Variants in VSTM2A observed in about 807,000 individuals in gnomAD.
VSTM2A encodes the protein V-set and transmembrane domain-containing protein 2A.
VSTM2A carries 13 observed loss-of-function variants against 27.3 expected under a neutral mutation model. The observed-to-expected ratio is 0.48, with a 90% confidence interval of 0.31 to 0.76. VSTM2A has a LOEUF of 0.76. Among genes scored for constraint, VSTM2A ranks in the 30% least tolerant of loss-of-function variants. VSTM2A has a pLI of 0.05. For missense variants in VSTM2A, 280 were observed against 310.0 expected (o/e 0.90, Z 0.73); for synonymous variants, 142 against 125.7 (o/e 1.13, Z -0.87).
intron 4 of VSTM2A, among the ~76,000 whole-genome samples, chr7:54,562,422 C>G (rs1425283574): frequency 6.6e-6 from 1 of 151,788 alleles, no homozygotes; most frequent in Non-Finnish European, 1.5e-5. Context: ...AGAGATTTTT[C>G]TCTGACAGTA....
At chr7:54,562,648 G>C (rs1299106836) in intron 4 of VSTM2A, among the ~76,000 whole-genome samples, 1 of 152,168 alleles carries the variant, frequency 6.6e-6, no homozygotes, top group African/African-American at 2.4e-5. Flanking sequence ...AGGGCAAGCT[G>C]TCCTGACTGA....
intron 4 of VSTM2A, chr7:54,551,140 TACACACACAC>T (rs3032802): frequency 2.0e-5 from 3 of 149,414 alleles, no homozygotes; most frequent in Non-Finnish European, 4.5e-5. Flanking sequence ...TCGTCCTGAA[TACACACACAC>T]ACACACACAC....
At chr7:54,550,852 T>C (rs1788166673) in intron 4 of VSTM2A, 1 of 152,558 alleles carries the variant, frequency 6.6e-6, no homozygotes, top group Admixed American at 6.5e-5. Flanking sequence ...CCAATGGAAA[T>C]GCGTGGAAGT....
chr7:54,549,765 C>G (rs1788119563), intron 3 of VSTM2A, 69 bp from the exon 4 acceptor site: 1 of 1,404,024 alleles, frequency 7.1e-7, no homozygotes, highest in Non-Finnish European at 9.6e-7. Context: ...TTAGCAAGCT[C>G]AGGGTAAAAA....
At chr7:54,553,747 G>A in intron 4 of VSTM2A, 5 of 1,364,574 alleles carry the variant, frequency 3.7e-6, no homozygotes, top group Non-Finnish European at 5.0e-6. Context: ...ATCTTGACCA[G>A]GATGGAGTGG....
chr7:54,546,709 A>C, intron 2 of VSTM2A: 1 of 486,260 alleles, frequency 2.1e-6, no homozygotes, highest in Non-Finnish European at 3.6e-6. Context: ...GCCCCGGGAC[A>C]GCCCCGGGGA....
At chr7:54,553,729 G>A (rs1788259346) in intron 4 of VSTM2A, 2 of 1,201,028 alleles carry the variant, frequency 1.7e-6, no homozygotes, top group Non-Finnish European at 1.1e-6. Flanking sequence ...GACTGTGGAA[G>A]TCCCAGGATC....
Position 54,542,819 on chromosome 7 carries a change from G to T in VSTM2A, c.79+10G>T. 1 of 1,611,998 alleles carries T rather than the reference G, an allele frequency of 6.2e-7. No homozygotes were observed. On this transcript the variant is annotated intron_variant, in intron 1 of 4. Coordinates refer to ENST00000402613, the MANE Select transcript of VSTM2A (RefSeq NM_001301009.2). ...GGGCTTTCTTCTCAAGGTAAGTCTTGCTCAATGGCAAATATACATTTGCTT... is the reference window on the plus strand; with the variant it reads ...GGGCTTTCTTCTCAAGGTAAGTCTTTCTCAATGGCAAATATACATTTGCTT...
At chr7:54,546,834 T>TGTCCCCTGGTCGCTCCCCA in intron 2 of VSTM2A, 113 bp from the exon 3 acceptor site, 3 of 1,441,012 alleles carry the variant, frequency 2.1e-6, no homozygotes, top group Non-Finnish European at 2.8e-6. Context: ...GTCGCTCCCC[T>TGTCCCCTGGTCGCTCCCCA]GTCCCCAGGT....
At chr7:54,542,837 A>G (rs748009406) in intron 1 of VSTM2A, 28 bp downstream of exon 1, 4 of 1,600,078 alleles carry the variant, frequency 2.5e-6, no homozygotes, top group Middle Eastern at 3.3e-4. Context: ...GCAAATATAC[A>G]TTTGCTTGCG....
In VSTM2A at chr7:54,544,607, C is replaced by T; in HGVS notation, c.80-15C>T. 1 of 1,612,810 alleles carries T rather than the reference C, an allele frequency of 6.2e-7. No individual in the cohort carries two copies. The highest frequency in any genetic ancestry group is 8.5e-7 in the Non-Finnish European group (1 of 1,179,848). ...GGGTGTGGATATTCCAACAGGATGC[C>T]TTTCTGTTTTGCAGCAAAATTTACC... On this transcript the variant is annotated splice_polypyrimidine_tract_variant and intron_variant, in intron 1 of 4. Transcript: ENST00000402613.
chr7:54,568,181 G>A lies in VSTM2A; in HGVS notation c.635-950G>A, dbSNP rs998239475. On this transcript the variant is annotated intron_variant, in intron 4 of 4. Transcript: ENST00000402613. ...CCCAAATATTTATTCTACATATAGTGACTTTTAGAGAACAAGGGGTTCTAC... is the reference window on the plus strand; with the variant it reads ...CCCAAATATTTATTCTACATATAGTAACTTTTAGAGAACAAGGGGTTCTAC... Among the ~76,000 whole-genome samples the A allele has an allele frequency of 3.3e-5, 5 of 152,278 alleles. No individual in the cohort carries two copies. In the East Asian group the frequency reaches 9.6e-4, roughly 29 times the overall value.
In VSTM2A at chr7:54,550,601, A is replaced by G. The variant is rs1788159009; in HGVS notation, c.634+431A>G. 2.4e-5 allele frequency: 5 copies of G among 210,120 alleles called. No individual in the cohort carries two copies. In the South Asian group the frequency reaches 5.7e-4, roughly 24 times the overall value. 13.0% of individuals were successfully genotyped at this position (210,120 alleles called of 1,614,324 possible). On this transcript the variant is annotated intron_variant, in intron 4 of 4. Transcript: ENST00000402613. ...CCATATCATGCATTTTCAGCGACCCATAGCTCTAAGCAGGACTATTCTCCA... is the reference window on the plus strand; with the variant it reads ...CCATATCATGCATTTTCAGCGACCCGTAGCTCTAAGCAGGACTATTCTCCA...
At chr7:54,546,913 G>T in intron 2 of VSTM2A, 34 bp from the exon 3 acceptor site, 1 of 1,596,934 alleles carries the variant, frequency 6.3e-7, no homozygotes. Flanking sequence ...GGGCGGGCCT[G>T]GCGCGGGACT....
Position 54,546,969 on chromosome 7 carries a change from A to C in VSTM2A, c.269A>C (p.Asp90Ala), listed in dbSNP as rs1295591124. The C allele has an allele frequency of 6.3e-7, 1 of 1,595,264 alleles. No homozygotes were observed. Among genetic ancestry groups the C allele is most frequent in the Non-Finnish European group, 8.5e-7 (1 of 1,173,122 alleles). ...CAGGTGGAGCTCTTGCCCGACAGAG[A>C]CCCGGACAGCGACGGGACCAAGATC... ...GAQVELLPDR[D>A]PDSDGTKIST... The change falls in exon 3 of 5, where the codon GAC becomes GCC. Residue 90 changes from aspartate to alanine, a missense_variant. Coordinates refer to ENST00000402613, the MANE Select transcript of VSTM2A (RefSeq NM_001301009.2).
In VSTM2A at chr7:54,569,324, G is replaced by A. The variant is rs892394903; in HGVS notation, c.*105G>A. 3.7e-5 allele frequency: 55 copies of A among 1,503,142 alleles called. No homozygotes were observed. The Middle Eastern group carries it at 3.0e-3, about 82-fold the overall frequency. The allele number at this position is 1,503,142 out of a possible 1,614,324, so 93.1% of individuals were successfully genotyped here. A position where few individuals can be genotyped will look rare whatever the true frequency, so the allele number is the denominator to read the frequency against. Reference sequence around the variant, plus strand: ...GCAAAACACTGATCTTTTATTTTAAGAGAATTAACGTGAAGTGATAGAACG... The same window carrying A: ...GCAAAACACTGATCTTTTATTTTAAAAGAATTAACGTGAAGTGATAGAACG... On this transcript the variant is annotated 3_prime_UTR_variant, in exon 5 of 5. Transcript: ENST00000402613.
Position 54,549,605 on chromosome 7 carries a change from A to G in VSTM2A, c.298-229A>G, listed in dbSNP as rs371673182. On this transcript the variant is annotated intron_variant, in intron 3 of 4. Coordinates refer to ENST00000402613, the MANE Select transcript of VSTM2A (RefSeq NM_001301009.2). Reference sequence around the variant, plus strand: ...GGGCACGTGGCTGACAGAATCTGGCACTGGCTGCATTGAACTAATTATCTC... The same window carrying G: ...GGGCACGTGGCTGACAGAATCTGGCGCTGGCTGCATTGAACTAATTATCTC... Among the ~76,000 whole-genome samples the G allele has an allele frequency of 2.0e-4, 31 of 152,330 alleles. No individual in the cohort carries two copies. In the East Asian group the frequency reaches 5.6e-3, roughly 27 times the overall value.
rs183034053 is a variant in VSTM2A, at chr7:54,543,843, G to A, written c.80-779G>A. Among the ~76,000 whole-genome samples, 28 of 152,296 alleles carry A rather than the reference G, an allele frequency of 1.8e-4. No homozygotes were observed. In the East Asian group the frequency reaches 5.4e-3, roughly 29 times the overall value. On this transcript the variant is annotated intron_variant, in intron 1 of 4. Coordinates refer to ENST00000402613, the MANE Select transcript of VSTM2A (RefSeq NM_001301009.2). Reference sequence around the variant, plus strand: ...TTCAAGAAATGCCTTTAGGAGGAAGGAAACATTATATTTTTGTGAGTTTCA... The same window carrying A: ...TTCAAGAAATGCCTTTAGGAGGAAGAAAACATTATATTTTTGTGAGTTTCA...
chr7:54,557,309 CTCAT>C (rs1344461481), intron 4 of VSTM2A: 32 of 137,692 alleles, frequency 2.3e-4, no homozygotes, highest in African/African-American at 8.5e-4. Context: ...TGTCTGTTCC[CTCAT>C]TTCTTTCTTT....
Sources: allele counts gnomAD v4.1 joint callset (sites outside exome capture counted in the v4.1 genomes callset), GRCh38; gene constraint gnomAD v4.1.1; transcripts MANE v1.5; gene names NCBI Gene and HGNC (gene_info 2026-07-23, HGNC 2026-07-21).